ZNF462: variants seen among roughly 807,000 people sequenced by gnomAD.
ZNF462 encodes the protein zinc finger PBX1-interacting protein.
A neutral mutation model predicts 201.9 loss-of-function variants in ZNF462; 10 were observed. The observed-to-expected ratio is 0.05, with a 90% CI of 0.03 to 0.08. The LOEUF is 0.08. Ranked by LOEUF, ZNF462 falls within the 10% of genes least tolerant of loss-of-function variation. ZNF462 has a pLI of 1.00. For synonymous variants in ZNF462, 1,227 were observed against 1,193.3 expected (o/e 1.03, Z -0.58); for missense variants, 2,523 against 3,168.3 (o/e 0.80, Z 4.89).
Position 106,929,142 on chromosome 9 carries a change from A to G in ZNF462, c.5230A>G (p.Ile1744Val), listed in dbSNP as rs973518318. ...RTISDKPNKV[I>V]IPSPPKDDSP... is the part of the protein sequence containing the mutation. Reference sequence around the variant, plus strand: ...CATCAGCGACAAGCCCAACAAAGTGATCATCCCATCCCCGCCCAAGGACGA... The same window carrying G: ...CATCAGCGACAAGCCCAACAAAGTGGTCATCCCATCCCCGCCCAAGGACGA... The change falls in exon 3 of 13, where the codon ATC (isoleucine) becomes GTC (valine). Residue 1744 changes from isoleucine (I) to valine (V), a missense_variant. By Grantham distance (29) the Ile-to-Val change is conservative. Around this residue, in one of 15 missense-constraint regions of ZNF462, gnomAD observed 207 missense variants for 231.6 expected, o/e 0.89. Coordinates refer to ENST00000277225, the MANE Select transcript of ZNF462 (RefSeq NM_021224.6). The surrounding 1 kb of genome is among the most constrained non-coding windows in gnomAD (Gnocchi z 8.7). 2 of 1,614,126 alleles carry G rather than the reference A, an allele frequency of 1.2e-6. No individual in the cohort carries two copies. The highest frequency in any genetic ancestry group is 2.7e-5 in the African/African-American group (2 of 75,028).
At chr9:106,877,384 T>A (rs1281738559) in intron 1 of ZNF462, among the ~76,000 whole-genome samples, 1 of 150,968 alleles carries the variant, frequency 6.6e-6, no homozygotes. Context: ...ATTATTATTA[T>A]TATCATTATT....
At chr9:106,956,213 T>C (rs1473845303) in intron 7 of ZNF462, among the ~76,000 whole-genome samples, 3 of 152,180 alleles carry the variant, frequency 2.0e-5, no homozygotes, top group African/African-American at 7.2e-5. Flanking sequence ...TACTCCTTGA[T>C]CCATGGGCTA....
chr9:107,010,760 T>C lies in ZNF462; in HGVS notation c.7314-63T>C. ...GACACTCGAGGGTTTTTATTATTTT[T>C]TTGTTTAAAAAGAGAAATATATATA... On this transcript the variant is annotated intron_variant, in intron 12 of 12. Transcript: ENST00000277225. The surrounding 1 kb of genome is among the most constrained non-coding windows in gnomAD (Gnocchi z 4.6). The C allele has an allele frequency of 7.0e-7, 1 of 1,425,584 alleles. No individual in the cohort carries two copies. Among genetic ancestry groups the C allele is most frequent in the Non-Finnish European group, 9.4e-7 (1 of 1,067,808 alleles). 88.3% of individuals were successfully genotyped at this position (1,425,584 alleles called of 1,614,324 possible). A position where few individuals can be genotyped will look rare whatever the true frequency, so the allele number is the denominator to read the frequency against.
Position 106,989,758 on chromosome 9 carries a change from T to A in ZNF462, c.7056+5349T>A, listed in dbSNP as rs1828122975. On this transcript the variant is annotated intron_variant, in intron 10 of 12. Coordinates refer to ENST00000277225, the MANE Select transcript of ZNF462 (RefSeq NM_021224.6). Reference sequence around the variant, plus strand: ...TTCAGGGTATCTAATTCTTCCTGATTTAGGCTACGAGGGTTGTATTTTTCC... The same window carrying A: ...TTCAGGGTATCTAATTCTTCCTGATATAGGCTACGAGGGTTGTATTTTTCC... Among the ~76,000 whole-genome samples, 6 of 152,158 alleles carry A rather than the reference T, an allele frequency of 3.9e-5. No individual in the cohort carries two copies. In the South Asian group the frequency reaches 1.2e-3, roughly 32 times the overall value.
At chr9:106,991,565 A>T (rs910249480) in intron 10 of ZNF462, among the ~76,000 whole-genome samples, 3 of 151,952 alleles carry the variant, frequency 2.0e-5, no homozygotes, top group African/African-American at 7.2e-5. Context: ...ATGGAAATGC[A>T]AATGACCTAT....
Position 106,928,874 on chromosome 9 carries a change from G to A in ZNF462, c.4962G>A (p.Leu1654=), listed in dbSNP as rs748145665. 1.2e-6 allele frequency: 2 copies of A among 1,613,876 alleles called. No homozygotes were observed. Among genetic ancestry groups the A allele is most frequent in the African/African-American group, 1.3e-5 (1 of 74,864 alleles). ...VSTSHFSTSH[L]VSHTVFRCQL... is the part of the protein sequence containing the mutation. The stretch of plus-strand genomic sequence containing the variant: ...CTTCTCACTTCTCTACCTCCCACCT[G>A]GTCTCCCACACTGTGTTCCGGTGCC... The change falls in exon 3 of 13, where the codon CTG becomes CTA. Residue 1654 remains leucine (L), a synonymous_variant. Coordinates refer to ENST00000277225, the MANE Select transcript of ZNF462 (RefSeq NM_021224.6). This position sits in a 1 kb window ranked among gnomAD's most constrained non-coding sequence, Gnocchi z 9.3.
chr9:106,971,375 A>ACAAC (rs551863172), intron 7 of ZNF462, among the ~76,000 whole-genome samples: 3 of 151,174 alleles, frequency 2.0e-5, no homozygotes, highest in South Asian at 2.1e-4. Context: ...TTAAAAAAAA[A>ACAAC]AACAACAACA....
At position 106,886,143 on chromosome 9, in the gene ZNF462, A is replaced by G. The variant is rs755087135; in HGVS notation, c.-31+22788A>G. Among the ~76,000 whole-genome samples the G allele has an allele frequency of 6.6e-6, 1 of 152,202 alleles. No homozygotes were observed. Among genetic ancestry groups the G allele is most frequent in the Non-Finnish European group, 1.5e-5 (1 of 68,012 alleles). On this transcript the variant is annotated intron_variant, in intron 1 of 12. Coordinates refer to ENST00000277225, the MANE Select transcript of ZNF462 (RefSeq NM_021224.6). The surrounding 1 kb of genome is among the most constrained non-coding windows in gnomAD (Gnocchi z 4.6). The stretch of plus-strand genomic sequence containing the variant: ...GTGGGTTTGTTGGCCTTAGCCTGAT[A>G]GGTGGTAGCCACATAATGACTCATT...
Position 106,978,071 on chromosome 9 carries a change from ATC to A in ZNF462, c.6832+3802_6832+3803del, listed in dbSNP as rs1827150814. 6.6e-6 allele frequency among the ~76,000 whole-genome samples: 1 copy of A among 151,460 alleles called. No homozygotes were observed. The highest frequency in any genetic ancestry group is 2.4e-5 in the African/African-American group (1 of 40,850). On this transcript the variant is annotated intron_variant, in intron 9 of 12. Coordinates refer to ENST00000277225, the MANE Select transcript of ZNF462 (RefSeq NM_021224.6). This position sits in a 1 kb window ranked among gnomAD's most constrained non-coding sequence, Gnocchi z 4.1. ...TCATATGGGCTTTTTCTCTATGTGT[ATC>A]TCTTTGTGCCCTCTTTTCTTCTTAT... is the stretch of plus-strand genomic sequence containing the variant.
At chr9:106,879,851 G>A (rs1828015359) in intron 1 of ZNF462, among the ~76,000 whole-genome samples, 3 of 152,136 alleles carry the variant, frequency 2.0e-5, no homozygotes, top group Admixed American at 1.3e-4. Context: ...TGATGAGCAA[G>A]TACATCATAC....
Position 106,993,541 on chromosome 9 carries a change from G to A in ZNF462, c.7056+9132G>A, listed in dbSNP as rs1483159105. ...TTGAAATTTTATTTTTTTATCCTGT[G>A]ACTCCCTGTCTGTTTTTAATCTCAG... On this transcript the variant is annotated intron_variant, in intron 10 of 12. Transcript: ENST00000277225. This position sits in a 1 kb window ranked among gnomAD's most constrained non-coding sequence, Gnocchi z 4.0. 6.6e-6 allele frequency among the ~76,000 whole-genome samples: 1 copy of A among 151,932 alleles called. No homozygotes were observed. The highest frequency in any genetic ancestry group is 2.4e-5 in the African/African-American group (1 of 41,356).
rs1349661466 is a variant in ZNF462, at chr9:106,872,161, C to T, written c.-31+8806C>T. Among the ~76,000 whole-genome samples, 1 of 152,112 alleles carries T rather than the reference C, an allele frequency of 6.6e-6. No homozygotes were observed. Among genetic ancestry groups the T allele is most frequent in the African/African-American group, 2.4e-5 (1 of 41,418 alleles). On this transcript the variant is annotated intron_variant, in intron 1 of 12. Transcript: ENST00000277225. This position sits in a 1 kb window ranked among gnomAD's most constrained non-coding sequence, Gnocchi z 4.5. ...ATCATTCAACCCAGATTGCCATGGG[C>T]CTGATGGAGGGTCCTTCGTTTGGGG... is the stretch of plus-strand genomic sequence containing the variant.
Position 106,932,574 on chromosome 9 carries a change from G to T in ZNF462, c.6116+25G>T, listed in dbSNP as rs781185462. 7 of 1,614,040 alleles carry T rather than the reference G, an allele frequency of 4.3e-6. No homozygotes were observed. The Admixed American group carries it at 1.2e-4, about 27-fold the overall frequency. On this transcript the variant is annotated intron_variant, in intron 5 of 12. Transcript: ENST00000277225. The surrounding 1 kb of genome is among the most constrained non-coding windows in gnomAD (Gnocchi z 6.8). ...AGTAAGTGCTATTGGGGGGTCACTA[G>T]TGGTTACTGGGAGATGATGTCATAG...
At chr9:106,904,581 G>A (rs1364107111) in intron 1 of ZNF462, among the ~76,000 whole-genome samples, 1 of 152,068 alleles carries the variant, frequency 6.6e-6, no homozygotes, top group Non-Finnish European at 1.5e-5. Flanking sequence ...CTTAGGTTTG[G>A]TCATTTAGCA....
rs1427423297 is a variant in ZNF462 at position 106,927,943 on chromosome 9, A to G, written c.4031A>G (p.Tyr1344Cys). The change falls in exon 3 of 13, where the codon TAC becomes TGC. Residue 1344 changes from tyrosine to cysteine, a missense_variant. Around this residue, in one of 15 missense-constraint regions of ZNF462, gnomAD observed 222 missense variants for 271.6 expected, o/e 0.82. Transcript: ENST00000277225. ...CCAGAACACTATGTTGATTACACCT[A>G]CATGGCTACTAAACTGTGGGCTGGG... The part of the protein sequence containing the change: ...RHPEHYVDYT[Y>C]MATKLWAGPD... The G allele has an allele frequency of 6.2e-7, 1 of 1,614,210 alleles. No individual in the cohort carries two copies. The highest frequency in any genetic ancestry group is 1.7e-5 in the Admixed American group (1 of 60,030).
At chr9:106,990,189 C>T (rs144341841) in intron 10 of ZNF462, among the ~76,000 whole-genome samples, 17 of 152,174 alleles carry the variant, frequency 1.1e-4, no homozygotes, top group African/African-American at 3.9e-4. Flanking sequence ...AATGCTCATT[C>T]AGGAGCCAGT....
At chr9:106,943,059 C>CGCGTGTGTGTGT (rs374167214) in intron 7 of ZNF462, among the ~76,000 whole-genome samples, 223 of 143,240 alleles carry the variant, frequency 1.6e-3, no homozygotes, top group African/African-American at 5.5e-3. Flanking sequence ...TTTGCGCGCG[C>CGCGTGTGTGTGT]GTGTGTGTGT....
chr9:106,864,051 T>G (rs1052306108), intron 1 of ZNF462, among the ~76,000 whole-genome samples: 39 of 52,666 alleles, frequency 7.4e-4, no homozygotes, highest in South Asian at 1.8e-3. Flanking sequence ...TCTCTCTCTC[T>G]CTCTCTCTCT....
Position 106,890,528 on chromosome 9 carries a change from G to C in ZNF462, c.-31+27173G>C, listed in dbSNP as rs1025164280. Among the ~76,000 whole-genome samples, 1 of 152,190 alleles carries C rather than the reference G, an allele frequency of 6.6e-6. No homozygotes were observed. Among genetic ancestry groups the C allele is most frequent in the African/African-American group, 2.4e-5 (1 of 41,442 alleles). On this transcript the variant is annotated intron_variant, in intron 1 of 12. Coordinates refer to ENST00000277225, the MANE Select transcript of ZNF462 (RefSeq NM_021224.6). The surrounding 1 kb of genome is among the most constrained non-coding windows in gnomAD (Gnocchi z 4.2). Reference sequence around the variant, plus strand: ...CACAAACATGGTTTTACACTTGGATGATGTAGTTAGGCTCAACTCCATTTG... The same window carrying C: ...CACAAACATGGTTTTACACTTGGATCATGTAGTTAGGCTCAACTCCATTTG...
Sources: allele counts gnomAD v4.1 joint callset (sites outside exome capture counted in the v4.1 genomes callset), GRCh38; gene constraint gnomAD v4.1.1; regional missense constraint gnomAD v4.1.1; non-coding constraint Gnocchi (gnomAD v3.1); transcripts MANE v1.5; gene names NCBI Gene and HGNC (gene_info 2026-07-23, HGNC 2026-07-21).